Variants in FLNC observed in about 807,000 individuals in gnomAD.
FLNC encodes filamin C.
Under a neutral mutation model 254.3 loss-of-function variants are expected in FLNC, and 91 were observed. That is an observed-to-expected ratio of 0.36 (90% CI 0.30 to 0.43). The LOEUF (loss-of-function observed/expected upper bound fraction) is 0.43, where lower values mean the gene tolerates loss of function less well. Ranked by LOEUF, FLNC falls within the 20% of genes least tolerant of loss-of-function variation. The probability of loss-of-function intolerance (pLI) is 1.00; values close to 1 mark genes in which losing one functional copy is unlikely to be tolerated. For missense variants in FLNC, 2,853 were observed against 3,802.6 expected (o/e 0.75, Z 6.57); for synonymous variants, 1,430 against 1,577.2 (o/e 0.91, Z 2.21).
Position 128,849,353 on chromosome 7 carries a change from C to T in FLNC, c.4974C>T (p.Ile1658=). ...HGLGACLGPR[I]QIGQETVITV... ...CAGGTGCCTGCCTGGGCCCTCGAAT[C>T]CAGATTGGGCAGGAGACGGTGATCA... Residue 1658 remains isoleucine (I), a synonymous_variant, in exon 30 of 48, where the codon ATC becomes ATT. Coordinates refer to ENST00000325888, the MANE Select transcript of FLNC (RefSeq NM_001458.5). The T allele has an allele frequency of 6.2e-7, 1 of 1,614,092 alleles. No individual in the cohort carries two copies. Among genetic ancestry groups the T allele is most frequent in the Non-Finnish European group, 8.5e-7 (1 of 1,180,028 alleles).
chr7:128,841,044 A>G lies in FLNC; in HGVS notation c.1813+74A>G, dbSNP rs1808310635. 1.9e-6 allele frequency: 3 copies of G among 1,564,622 alleles called. No homozygotes were observed. In the East Asian group the frequency reaches 6.9e-5, roughly 36 times the overall value. ...AGGGGACACTGTGGGTAATGGGTGCAGTGCGCATGCTGGGGAGCGCTGGGG... is the reference window on the plus strand; with the variant it reads ...AGGGGACACTGTGGGTAATGGGTGCGGTGCGCATGCTGGGGAGCGCTGGGG... On this transcript the variant is annotated intron_variant, in intron 11 of 47. Transcript: ENST00000325888. This position sits in a 1 kb window ranked among gnomAD's most constrained non-coding sequence, Gnocchi z 4.3.
chr7:128,838,853 C>A (rs141320270), intron 8 of FLNC, 50 bp downstream of exon 8: 70 of 1,556,154 alleles, frequency 4.5e-5, no homozygotes, highest in Non-Finnish European at 6.1e-5. Context: ...AAGCCAGAGG[C>A]TTGCAAGGGG....
chr7:128,833,095 G>T (rs1807957140), intron 1 of FLNC, among the ~76,000 whole-genome samples: 1 of 152,222 alleles, frequency 6.6e-6, no homozygotes, highest in East Asian at 1.9e-4. Context: ...GGGGCACTGA[G>T]CCCAGGTTAA....
In FLNC at chr7:128,842,957, A is replaced by G. The variant is rs1426094149; in HGVS notation, c.2550+3A>G. The stretch of plus-strand genomic sequence containing the variant: ...TCATGGTGCTGTTTGCCAACCAGGT[A>G]CCTAAGCTCCTGGGTACTCACAGCG... On this transcript the variant is annotated splice_donor_region_variant and intron_variant, in intron 16 of 47. Transcript: ENST00000325888. The surrounding 1 kb of genome is among the most constrained non-coding windows in gnomAD (Gnocchi z 5.4). 1 of 1,613,712 alleles carries G rather than the reference A, an allele frequency of 6.2e-7. No homozygotes were observed. The highest frequency in any genetic ancestry group is 8.5e-7 in the Non-Finnish European group (1 of 1,179,946).
chr7:128,857,040 T>C lies in FLNC; in HGVS notation c.7562-78T>C, dbSNP rs1809093237. 1 of 1,570,386 alleles carries C rather than the reference T, an allele frequency of 6.4e-7. No individual in the cohort carries two copies. Among genetic ancestry groups the C allele is most frequent in the Non-Finnish European group, 8.8e-7 (1 of 1,141,970 alleles). On this transcript the variant is annotated intron_variant, in intron 45 of 47. Coordinates refer to ENST00000325888, the MANE Select transcript of FLNC (RefSeq NM_001458.5). This position sits in a 1 kb window ranked among gnomAD's most constrained non-coding sequence, Gnocchi z 4.5. ...CTAAGCCAGGAGTCCCCACAGAGGC[T>C]GTCCAGGGAGCTGGGGCCCAGTCCC...
Position 128,854,884 on chromosome 7 carries a change from C to T in FLNC, c.7107C>T (p.Cys2369=), listed in dbSNP as rs781154278. The T allele has an allele frequency of 2.2e-5, 36 of 1,613,948 alleles. No homozygotes were observed. The highest frequency in any genetic ancestry group is 1.3e-4 in the South Asian group (12 of 91,088). The change falls in exon 42 of 48, where the codon TGC becomes TGT. Residue 2369 remains cysteine (C), a synonymous_variant. Transcript: ENST00000325888. ...TTGAGGATCGCAAAGATGGCTCCTG[C>T]GGCGTCTCCTATGTCGTCCAGGAAC... The part of the protein sequence containing the change: ...IAFEDRKDGS[C]GVSYVVQEPG...
chr7:128,841,443 C>T lies in FLNC; in HGVS notation c.2008-11C>T, dbSNP rs1808330147. 2 of 1,613,478 alleles carry T rather than the reference C, an allele frequency of 1.2e-6. No individual in the cohort carries two copies. Among genetic ancestry groups the T allele is most frequent in the Non-Finnish European group, 1.7e-6 (2 of 1,179,444 alleles). ...TCCCCTCCCCAACTCAGCCTTCTTCCCTCCGCACAGGTGAAGGCCTTTGGG... is the reference window on the plus strand; with the variant it reads ...TCCCCTCCCCAACTCAGCCTTCTTCTCTCCGCACAGGTGAAGGCCTTTGGG... On this transcript the variant is annotated splice_polypyrimidine_tract_variant and intron_variant, in intron 12 of 47. Coordinates refer to ENST00000325888, the MANE Select transcript of FLNC (RefSeq NM_001458.5). The surrounding 1 kb of genome is among the most constrained non-coding windows in gnomAD (Gnocchi z 4.3).
chr7:128,840,790 G>C (rs373028257), intron 10 of FLNC, 44 bp from the exon 11 acceptor site: 17 of 1,612,826 alleles, frequency 1.1e-5, no homozygotes, highest in Non-Finnish European at 1.4e-5. Flanking sequence ...GAGGGACTTT[G>C]GGGGGCACTT....
chr7:128,830,440 G>A lies in FLNC; in HGVS notation c.-198G>A. The stretch of plus-strand genomic sequence containing the variant: ...GAGCACCGCTCCGGCCCTGGAGGGA[G>A]AGAGAGCCAGAGAGCGGCCGAGCGC... On this transcript the variant is annotated 5_prime_UTR_variant, in exon 1 of 48. Coordinates refer to ENST00000325888, the MANE Select transcript of FLNC (RefSeq NM_001458.5). The A allele has an allele frequency of 1.7e-6, 1 of 600,004 alleles. No individual in the cohort carries two copies. The highest frequency in any genetic ancestry group is 2.9e-6 in the Non-Finnish European group (1 of 340,192). The allele number at this position is 600,004 out of a possible 1,614,324, so 37.2% of individuals were successfully genotyped here. A position where few individuals can be genotyped will look rare whatever the true frequency, so the allele number is the denominator to read the frequency against.
intron 20 of FLNC, 146 bp downstream of exon 20, chr7:128,844,412 A>C: frequency 9.3e-7 from 1 of 1,073,670 alleles, no homozygotes; most frequent in Non-Finnish European, 1.3e-6. Flanking sequence ...CCACCCCACC[A>C]CCTGCCTTGG....
chr7:128,840,779 C>T (rs995382010), intron 10 of FLNC, 55 bp from the exon 11 acceptor site: 242 of 1,597,076 alleles, frequency 1.5e-4, no homozygotes, highest in Non-Finnish European at 1.9e-4. Context: ...GTTTGGGCTG[C>T]GAGGGACTTT....
In FLNC at chr7:128,858,073, A is replaced by C. The variant is rs1563005899; in HGVS notation, c.7846A>C (p.Lys2616Gln). 6.2e-7 allele frequency: 1 copy of C among 1,612,628 alleles called. No individual in the cohort carries two copies. The highest frequency in any genetic ancestry group is 8.5e-7 in the Non-Finnish European group (1 of 1,179,300). Residue 2616 changes from lysine to glutamine, a missense_variant, in exon 47 of 48, where the codon AAG becomes CAG. By Grantham distance (53) the Lys-to-Gln change is moderately conservative. This residue lies in a region of FLNC where 197 missense variants were observed against 351.5 expected (regional missense o/e 0.56). Transcript: ENST00000325888. This position sits in a 1 kb window ranked among gnomAD's most constrained non-coding sequence, Gnocchi z 6.7. ...TSTVLVETVT[K>Q]SSSSRGSSYS... ...CACGGTTCTGGTGGAGACTGTGACC[A>C]AGTCCTCCTCAAGCCGGGGCTCCAG...
In FLNC at chr7:128,848,719, T is replaced by C; in HGVS notation, c.4737+2T>C. The C allele has an allele frequency of 6.2e-7, 1 of 1,613,754 alleles. No individual in the cohort carries two copies. The highest frequency in any genetic ancestry group is 8.5e-7 in the Non-Finnish European group (1 of 1,180,006). On this transcript the variant is annotated splice_donor_variant, in intron 27 of 47. Coordinates refer to ENST00000325888, the MANE Select transcript of FLNC (RefSeq NM_001458.5). LOFTEE classifies it high-confidence loss of function. ...GGGTTGCTCACTGTCCAGATCTTGG[T>C]GAGTCTCTGTGCATCCCACCCCGCA... is the stretch of plus-strand genomic sequence containing the variant.
intron 43 of FLNC, among the ~76,000 whole-genome samples, chr7:128,855,602 G>A (rs1428840026): frequency 1.3e-5 from 2 of 152,216 alleles, no homozygotes; most frequent in South Asian, 2.1e-4. Flanking sequence ...ACCTTCTGTT[G>A]TAAGAATGCT....
In FLNC at chr7:128,830,741, A is replaced by G; in HGVS notation, c.104A>G (p.Lys35Arg). The change falls in exon 1 of 48, where the codon AAG becomes AGG. Residue 35 changes from lysine to arginine, a missense_variant. This residue lies in a region of FLNC where 13 missense variants were observed against 37.8 expected (regional missense o/e 0.34). Coordinates refer to ENST00000325888, the MANE Select transcript of FLNC (RefSeq NM_001458.5). ...GACCTGGCGGAGGACGCGCCGTGGA[A>G]GAAGATCCAGCAGAACACATTCACG... ...EKDLAEDAPWKKIQQNTFTRW... is the reference protein window; with the variant it reads ...EKDLAEDAPWRKIQQNTFTRW... 6.2e-7 allele frequency: 1 copy of G among 1,613,192 alleles called. No homozygotes were observed. The highest frequency in any genetic ancestry group is 8.5e-7 in the Non-Finnish European group (1 of 1,179,964).
In FLNC at chr7:128,840,585, G is replaced by A. The variant is rs755895800; in HGVS notation, c.1587G>A (p.Gly529=). ...AGCCAGTGAAGGTGCGGGAGGCTGG[G>A]GATGGTGTGTTCGAGTGCGAGTACT... The part of the protein sequence containing the change: ...TEEPVKVREA[G]DGVFECEYYP... Residue 529 remains glycine (G), a synonymous_variant, in exon 10 of 48, where the codon GGG becomes GGA. Transcript: ENST00000325888. The A allele has an allele frequency of 6.2e-7, 1 of 1,614,232 alleles. No individual in the cohort carries two copies. Among genetic ancestry groups the A allele is most frequent in the Non-Finnish European group, 8.5e-7 (1 of 1,180,036 alleles).
rs1809061482 is a variant in FLNC at position 128,856,451 on chromosome 7, G to A, written c.7252-67G>A. On this transcript the variant is annotated intron_variant, in intron 43 of 47. Transcript: ENST00000325888. The surrounding 1 kb of genome is among the most constrained non-coding windows in gnomAD (Gnocchi z 5.9). ...TGGGCTTACAGTGAGCACCGTGTGG[G>A]GCTTCAGAGAAGACTGCTCCAGCCC... 3.1e-6 allele frequency: 5 copies of A among 1,592,298 alleles called. No individual in the cohort carries two copies. Among genetic ancestry groups the A allele is most frequent in the Non-Finnish European group, 4.3e-6 (5 of 1,172,070 alleles).
rs376251952 is a variant in FLNC, at chr7:128,856,610, G to C, written c.7344G>C (p.Ser2448=). ...TTGATGCCCGGGTGCACACACCCTCGGGGGCTGTGGAGGAGTGCTACGTCT... is the reference window on the plus strand; with the variant it reads ...TTGATGCCCGGGTGCACACACCCTCCGGGGCTGTGGAGGAGTGCTACGTCT... ...GVIDARVHTP[S]GAVEECYVSE... is the part of the protein sequence containing the mutation. The change falls in exon 44 of 48, where the codon TCG becomes TCC. Residue 2448 remains serine (S), a synonymous_variant. Transcript: ENST00000325888. This position sits in a 1 kb window ranked among gnomAD's most constrained non-coding sequence, Gnocchi z 5.9. The C allele has an allele frequency of 1.9e-6, 3 of 1,612,578 alleles. No individual in the cohort carries two copies. Among genetic ancestry groups the C allele is most frequent in the Non-Finnish European group, 2.5e-6 (3 of 1,180,008 alleles).
In FLNC at chr7:128,848,023, C is replaced by T. The variant is rs1003896858; in HGVS notation, c.4535C>T (p.Pro1512Leu). 1 of 1,607,692 alleles carries T rather than the reference C, an allele frequency of 6.2e-7. No homozygotes were observed. The highest frequency in any genetic ancestry group is 1.1e-5 in the South Asian group (1 of 90,216). The part of the protein sequence containing the change: ...TVHYTPATDG[P>L]YTVAVKYADQ... ...CACTACACCCCAGCCACTGACGGGCCCTACACGGTAGCCGTCAAGTATGCT... is the reference window on the plus strand; with the variant it reads ...CACTACACCCCAGCCACTGACGGGCTCTACACGGTAGCCGTCAAGTATGCT... Residue 1512 changes from proline to leucine, a missense_variant, in exon 26 of 48, where the codon CCC becomes CTC. By Grantham distance (98) the Pro-to-Leu change is moderately conservative. Transcript: ENST00000325888.
Sources: gnomAD v4.1 joint callset for allele counts (sites outside exome capture counted in the v4.1 genomes callset) on GRCh38, gnomAD v4.1.1 for gene constraint, gnomAD v4.1.1 regional missense constraint, Gnocchi (gnomAD v3.1) non-coding constraint, MANE v1.5 for transcripts, NCBI Gene and HGNC (gene_info 2026-07-23, HGNC 2026-07-21) for gene names.